GPC5: variants seen among roughly 807,000 people sequenced by gnomAD.
The protein encoded by GPC5 is glypican-5.
Under a neutral mutation model 53.9 loss-of-function variants are expected in GPC5, and 47 were observed. That is an observed-to-expected ratio of 0.87 (90% CI 0.69 to 1.11). The LOEUF (loss-of-function observed/expected upper bound fraction) is 1.11. GPC5 is among the 50% of genes most tolerant of loss of function. The probability of loss-of-function intolerance (pLI) is 0.00; values close to 1 mark genes in which losing one functional copy is unlikely to be tolerated. For synonymous variants in GPC5, 286 were observed against 263.3 expected (o/e 1.09, Z -0.84); for missense variants, 748 against 713.1 (o/e 1.05, Z -0.56).
chr13:92,735,041 T>TA (rs928013949), intron 7 of GPC5, among the ~76,000 whole-genome samples: 22 of 151,840 alleles, frequency 1.4e-4, no homozygotes, highest in Admixed American at 7.9e-4. Flanking sequence ...TGCTTTGGAA[T>TA]AAAAAAACAG....
chr13:92,474,984 T>C (rs1266176743), intron 7 of GPC5, among the ~76,000 whole-genome samples: 1 of 152,158 alleles, frequency 6.6e-6, no homozygotes, highest in Non-Finnish European at 1.5e-5. Flanking sequence ...AATTTTCTTC[T>C]GGAGTTTGAA....
intron 7 of GPC5, among the ~76,000 whole-genome samples, chr13:92,359,477 G>A (rs937635990): frequency 2.6e-5 from 4 of 151,590 alleles, no homozygotes; most frequent in Non-Finnish European, 5.9e-5. Context: ...TCCCAAACGT[G>A]CATCCACATT....
chr13:92,225,993 G>C (rs2042483145), intron 7 of GPC5, among the ~76,000 whole-genome samples: 1 of 152,122 alleles, frequency 6.6e-6, no homozygotes. Flanking sequence ...TCAGAGGAGA[G>C]GCCTAGTGGG....
intron 2 of GPC5, among the ~76,000 whole-genome samples, chr13:91,671,807 G>GAAAAAAAAAAAAAAAAA (rs1207604916): frequency 3.7e-5 from 2 of 54,676 alleles, no homozygotes; most frequent in African/African-American, 1.6e-4. Context: ...AAAAAAAAAC[G>GAAAAAAAAAAAAAAAAA]AAACTGGAGG....
intron 7 of GPC5, among the ~76,000 whole-genome samples, chr13:92,637,973 G>C (rs74107082): frequency 0.035 from 5,373 of 152,198 alleles, 314 homozygotes; most frequent in African/African-American, 0.12. Flanking sequence ...GAAAACTGTA[G>C]AGATGAAATC....
rs12428805 is a variant in GPC5, at chr13:91,758,327, A to G, written c.1280+1907A>G. Among the ~76,000 whole-genome samples the G allele has an allele frequency of 7.3e-3, 1,106 of 152,164 alleles. 56 individuals are homozygous for G. Among genetic ancestry groups the G allele is most frequent in the Admixed American group, 0.06 (924 of 15,274 alleles). ...TTCAAACTGGAATTGAACTTTTTGT[A>G]TATTTTTACAAAGACTAATGAGAAA... On this transcript the variant is annotated intron_variant, in intron 5 of 7. Transcript: ENST00000377067.
chr13:92,673,079 C>A (rs746709474), intron 7 of GPC5, among the ~76,000 whole-genome samples: 34 of 151,916 alleles, frequency 2.2e-4, no homozygotes, highest in Non-Finnish European at 4.6e-4. Context: ...TTTAAAGTAG[C>A]TCAATAAGTT....
intron 5 of GPC5, among the ~76,000 whole-genome samples, chr13:91,905,992 T>C (rs2039548661): frequency 6.6e-6 from 1 of 152,010 alleles, no homozygotes; most frequent in Non-Finnish European, 1.5e-5. Flanking sequence ...GTCACCTGAG[T>C]AGTGTACATT....
intron 7 of GPC5, among the ~76,000 whole-genome samples, chr13:92,668,944 T>C (rs1289114394): frequency 3.3e-5 from 5 of 152,128 alleles, no homozygotes; most frequent in Non-Finnish European, 5.9e-5. Context: ...TGAAACCATT[T>C]GTTAATTTCT....
chr13:92,763,432 G>A (rs1446697465), intron 7 of GPC5, among the ~76,000 whole-genome samples: 1 of 152,174 alleles, frequency 6.6e-6, no homozygotes, highest in Non-Finnish European at 1.5e-5. Flanking sequence ...GGCAGTGGCA[G>A]TGTAGGTTGT....
At chr13:92,120,144 C>A (rs896325477) in intron 6 of GPC5, among the ~76,000 whole-genome samples, 1 of 152,156 alleles carries the variant, frequency 6.6e-6, no homozygotes, top group Non-Finnish European at 1.5e-5. Flanking sequence ...GTCATTATTC[C>A]ATCCGCTAAT....
chr13:92,565,691 T>G (rs1882841521), intron 7 of GPC5, among the ~76,000 whole-genome samples: 1 of 152,088 alleles, frequency 6.6e-6, no homozygotes, highest in African/African-American at 2.4e-5. Flanking sequence ...TATCTACATT[T>G]TATTTCAATT....
chr13:92,282,208 A>G (rs559828396), intron 7 of GPC5, among the ~76,000 whole-genome samples: 2 of 152,214 alleles, frequency 1.3e-5, no homozygotes, highest in East Asian at 3.8e-4. Flanking sequence ...AAAAGAGTAA[A>G]AAGAAATGAA....
chr13:92,508,028 A>G (rs1880435466), intron 7 of GPC5, among the ~76,000 whole-genome samples: 1 of 152,070 alleles, frequency 6.6e-6, no homozygotes, highest in Non-Finnish European at 1.5e-5. Flanking sequence ...CAGTGGCACA[A>G]TCTCAGCTCA....
At chr13:92,723,353 A>AAAATGCAGTTCCTGATTTTCTTTT (rs56807745) in intron 7 of GPC5, among the ~76,000 whole-genome samples, 1 of 149,920 alleles carries the variant, frequency 6.7e-6, no homozygotes, top group Non-Finnish European at 1.5e-5. Context: ...CGTTAAAAAA[A>AAAATGCAGTTCCTGATTTTCTTTT]CCCAGAGTCA....
At chr13:92,156,183 A>G (rs1320611542) in intron 7 of GPC5, among the ~76,000 whole-genome samples, 1 of 151,840 alleles carries the variant, frequency 6.6e-6, no homozygotes, top group Admixed American at 6.6e-5. Context: ...ACTTTCTGTT[A>G]TTCTTATCTC....
chr13:91,996,911 A>T (rs1380085011), intron 6 of GPC5, among the ~76,000 whole-genome samples: 1 of 152,178 alleles, frequency 6.6e-6, no homozygotes, highest in Non-Finnish European at 1.5e-5. Flanking sequence ...GTAGTATTGT[A>T]TCATACAAAT....
intron 6 of GPC5, among the ~76,000 whole-genome samples, chr13:91,926,171 C>T (rs2039765530): frequency 6.6e-6 from 1 of 151,872 alleles, no homozygotes; most frequent in Non-Finnish European, 1.5e-5. Flanking sequence ...ACCATCTTAA[C>T]TAACACGGTG....
intron 4 of GPC5, among the ~76,000 whole-genome samples, chr13:91,754,098 T>A (rs1424742727): frequency 6.6e-6 from 1 of 152,130 alleles, no homozygotes; most frequent in Non-Finnish European, 1.5e-5. Flanking sequence ...TGACGGTGTG[T>A]TTGGAAAACA....
Sources: allele counts gnomAD v4.1 joint callset (sites outside exome capture counted in the v4.1 genomes callset), GRCh38; gene constraint gnomAD v4.1.1; transcripts MANE v1.5; gene names NCBI Gene and HGNC (gene_info 2026-07-23, HGNC 2026-07-21).